The following CEP250 variants were observed in gnomAD, a reference collection of about 807,000 sequenced individuals.
The protein encoded by CEP250 is centrosomal protein 250.
In CEP250, 242 loss-of-function variants were observed where a neutral mutation model predicts 315.7. The observed-to-expected ratio is 0.77, with a 90% CI of 0.69 to 0.85. The LOEUF is 0.85. Among genes scored for constraint, CEP250 ranks in the 40% least tolerant of loss-of-function variants. The pLI is 0.00. For missense variants in CEP250, 2,515 were observed against 2,886.4 expected (o/e 0.87, Z 2.95); for synonymous variants, 1,088 against 1,175.0 (o/e 0.93, Z 1.51).
Position 35,503,939 on chromosome 20 carries a change from G to T in CEP250, c.5570G>T (p.Arg1857Leu). ...CAAGCCCATATGACACTGAAGGAGC[G>T]TCATGGAGAGCTTCAGGACCACAAG... is the stretch of plus-strand genomic sequence containing the variant. ...LEQAHMTLKE[R>L]HGELQDHKEQ... Residue 1857 changes from arginine (R) to leucine (L), a missense_variant, in exon 30 of 35, where the codon CGT (arginine) becomes CTT (leucine). Transcript: ENST00000397527. The surrounding 1 kb of genome is among the most constrained non-coding windows in gnomAD (Gnocchi z 4.2). 1 of 1,613,430 alleles carries T rather than the reference G, an allele frequency of 6.2e-7. No individual in the cohort carries two copies. Among genetic ancestry groups the T allele is most frequent in the Non-Finnish European group, 8.5e-7 (1 of 1,179,686 alleles).
At chr20:35,490,580 C>T (rs2063658053) in intron 20 of CEP250, 57 bp from the exon 21 acceptor site, 2 of 1,539,828 alleles carry the variant, frequency 1.3e-6, no homozygotes, top group East Asian at 2.2e-5. Flanking sequence ...CAATCCAGTA[C>T]CCCTGCCTCC....
Position 35,470,141 on chromosome 20 carries a change from C to T in CEP250, c.948+155C>T, listed in dbSNP as rs1191326588. ...TTGGCTGAATCTGAAAATTAATTAA[C>T]TCATTCATTTATTCATTGAATAAAT... is the stretch of plus-strand genomic sequence containing the variant. On this transcript the variant is annotated intron_variant, in intron 10 of 34. Transcript: ENST00000397527. The T allele has an allele frequency of 1.7e-5, 11 of 630,492 alleles. No homozygotes were observed. The Admixed American group carries it at 2.3e-4, about 13-fold the overall frequency. The allele number at this position is 630,492 out of a possible 1,614,324, so 39.1% of individuals were successfully genotyped here. A position where few individuals can be genotyped will look rare whatever the true frequency, so the allele number is the denominator to read the frequency against.
At chr20:35,495,045 T>G (rs1188370872) in intron 24 of CEP250, among the ~76,000 whole-genome samples, 1 of 152,198 alleles carries the variant, frequency 6.6e-6, no homozygotes, top group African/African-American at 2.4e-5. Flanking sequence ...GGGAAGGCCT[T>G]TCTCAGGAAG....
chr20:35,494,012 T>C (rs11905793), intron 23 of CEP250, among the ~76,000 whole-genome samples: 2,192 of 152,250 alleles, frequency 0.014, 42 homozygotes, highest in African/African-American at 0.05. Context: ...AGACAGGATT[T>C]CACTATGTCG....
In CEP250 at chr20:35,503,569, AAGGAGAAGGAGGTGGAAT is replaced by A. The variant is rs1568834902; in HGVS notation, c.5201_5218del (p.Lys1734_Cys1740delinsSer). 1.2e-6 allele frequency: 2 copies of A among 1,613,986 alleles called. No individual in the cohort carries two copies. Among genetic ancestry groups the A allele is most frequent in the Non-Finnish European group, 1.7e-6 (2 of 1,180,026 alleles). Reference sequence around the variant, plus strand: ...GCACATGAAGCTGATCCTGCGTGATAAGGAGAAGGAGGTGGAATGTCAGCAGGAGCATATCCATGAACT... The same window carrying A: ...GCACATGAAGCTGATCCTGCGTGATAGTCAGCAGGAGCATATCCATGAACT... On this transcript the variant is annotated inframe_deletion, in exon 30 of 35. Transcript: ENST00000397527. This position sits in a 1 kb window ranked among gnomAD's most constrained non-coding sequence, Gnocchi z 4.2.
chr20:35,487,425 G>T (rs1014214881), intron 20 of CEP250, among the ~76,000 whole-genome samples: 4 of 151,988 alleles, frequency 2.6e-5, no homozygotes, highest in African/African-American at 9.7e-5. Context: ...AGCCAAGATC[G>T]CACCACTGCA....
chr20:35,476,418 A>T (rs200641702), intron 15 of CEP250, 31 bp from the exon 16 acceptor site: 2 of 1,597,532 alleles, frequency 1.3e-6, no homozygotes. Flanking sequence ...AATTGGAAAT[A>T]TGAAACTCTT....
chr20:35,496,438 G>C lies in CEP250; in HGVS notation c.3168-139G>C. On this transcript the variant is annotated intron_variant, in intron 24 of 34. Coordinates refer to ENST00000397527, the MANE Select transcript of CEP250 (RefSeq NM_007186.6). The stretch of plus-strand genomic sequence containing the variant: ...TATAGTAAGTGCTCAATAAATGATA[G>C]CTTTTATTGTTACATCATAATCATT... The C allele has an allele frequency of 3.9e-6, 3 of 769,866 alleles. No homozygotes were observed. In the South Asian group the frequency reaches 6.5e-5, roughly 17 times the overall value. The allele number at this position is 769,866 out of a possible 1,614,324, so 47.7% of individuals were successfully genotyped here.
intron 27 of CEP250, among the ~76,000 whole-genome samples, chr20:35,499,285 C>CA (rs1350312164): frequency 2.0e-5 from 3 of 152,060 alleles, no homozygotes; most frequent in African/African-American, 2.4e-5. Flanking sequence ...CAAACAAACA[C>CA]AAAAAAACCC....
Position 35,472,019 on chromosome 20 carries a change from G to T in CEP250, c.949-31G>T, listed in dbSNP as rs749323931. 3.9e-6 allele frequency: 5 copies of T among 1,289,822 alleles called. No individual in the cohort carries two copies. In the Admixed American group the frequency reaches 5.1e-5, roughly 13 times the overall value. The allele number at this position is 1,289,822 out of a possible 1,614,324, so 79.9% of individuals were successfully genotyped here. ...TAATAAATTCACTTTTGAGAGTTTGGCTCTGAGGCTCTGTTCTATTCCCTG... is the reference window on the plus strand; with the variant it reads ...TAATAAATTCACTTTTGAGAGTTTGTCTCTGAGGCTCTGTTCTATTCCCTG... On this transcript the variant is annotated intron_variant, in intron 10 of 34. Transcript: ENST00000397527.
chr20:35,466,296 T>G (rs2062875704), intron 7 of CEP250, 92 bp downstream of exon 7: 3 of 1,406,734 alleles, frequency 2.1e-6, no homozygotes, highest in South Asian at 1.3e-5. Context: ...CTTCAGGACT[T>G]GGATGAAAAC....
intron 5 of CEP250, among the ~76,000 whole-genome samples, chr20:35,464,142 A>T (rs1005571655): frequency 1.3e-4 from 20 of 152,222 alleles, no homozygotes; most frequent in Non-Finnish European, 2.1e-4. Flanking sequence ...TGTCATATAC[A>T]GATGGTCCTC....
At position 35,457,745 on chromosome 20, in the gene CEP250, G is replaced by C. The variant is rs183212437; in HGVS notation, c.-297-559G>C. Among the ~76,000 whole-genome samples, 244 of 152,292 alleles carry C rather than the reference G, an allele frequency of 1.6e-3. 1 individual carries two copies. Among genetic ancestry groups the C allele is most frequent in the African/African-American group, 5.5e-3 (229 of 41,552 alleles). ...ACCGGGGAGGCAGAGGTTGCAGTGA[G>C]CTGAGATCATGCCAGTGCACTACAG... On this transcript the variant is annotated intron_variant, in intron 1 of 34. Coordinates refer to ENST00000397527, the MANE Select transcript of CEP250 (RefSeq NM_007186.6).
intron 11 of CEP250, 109 bp downstream of exon 11, chr20:35,472,260 A>G: frequency 5.5e-6 from 4 of 724,232 alleles, no homozygotes; most frequent in Non-Finnish European, 9.8e-6. Flanking sequence ...TCGGGTGCTT[A>G]AAGTCTTGTG....
chr20:35,502,264 C>A, intron 29 of CEP250, 126 bp from the exon 30 acceptor site: 1 of 795,318 alleles, frequency 1.3e-6, no homozygotes, highest in Non-Finnish European at 1.9e-6. Context: ...TGGAATATAC[C>A]ACCACTTTTT....
At chr20:35,486,033 CTTTT>C (rs568800381) in intron 20 of CEP250, among the ~76,000 whole-genome samples, 4 of 128,364 alleles carry the variant, frequency 3.1e-5, no homozygotes, top group Admixed American at 7.9e-5. Context: ...AGTGGATTTA[CTTTT>C]TTTTTTTTTT....
At position 35,508,950 on chromosome 20, in the gene CEP250, G is replaced by C. The variant is rs1186475157; in HGVS notation, c.6914G>C (p.Arg2305Pro). The change falls in exon 33 of 35, where the codon CGA becomes CCA. Residue 2305 changes from arginine to proline, a missense_variant. Coordinates refer to ENST00000397527, the MANE Select transcript of CEP250 (RefSeq NM_007186.6). ...TTATTTGCACCTTGGCAGGTGGAGC[G>C]AGAACGGAGGAAGCTGAAGAGGGAG... Reference protein sequence around the residue: ...QLRSTLEQVERERRKLKREAM... With the variant: ...QLRSTLEQVEPERRKLKREAM... 1 of 1,553,510 alleles carries C rather than the reference G, an allele frequency of 6.4e-7. No homozygotes were observed. The highest frequency in any genetic ancestry group is 2.0e-5 in the Admixed American group (1 of 51,268).
At chr20:35,509,893 C>T in intron 33 of CEP250, 105 bp from the exon 34 acceptor site, 1 of 1,026,172 alleles carries the variant, frequency 9.7e-7, no homozygotes, top group Non-Finnish European at 1.5e-6. Flanking sequence ...GGCCCATAGC[C>T]CTTGCCCAGG....
rs760017706 is a variant in CEP250, at chr20:35,498,101, G to C, written c.3655+34G>C. 1.3e-5 allele frequency: 19 copies of C among 1,461,478 alleles called. No homozygotes were observed. In the African/African-American group the frequency reaches 2.5e-4, roughly 20 times the overall value. 90.5% of individuals were successfully genotyped at this position (1,461,478 alleles called of 1,614,324 possible). A position where few individuals can be genotyped will look rare whatever the true frequency, so the allele number is the denominator to read the frequency against. ...GCCTCCCCAGAACTAGGTCCTTTGG[G>C]CCAAAGCCAGGCCTGGCTCCCAGGG... On this transcript the variant is annotated intron_variant, in intron 26 of 34. Transcript: ENST00000397527.
Sources: allele counts gnomAD v4.1 joint callset (sites outside exome capture counted in the v4.1 genomes callset), GRCh38; gene constraint gnomAD v4.1.1; non-coding constraint Gnocchi (gnomAD v3.1); transcripts MANE v1.5; gene names NCBI Gene and HGNC (gene_info 2026-07-23, HGNC 2026-07-21).